Variants in TMEM196 observed in about 807,000 individuals in gnomAD.
TMEM196 encodes transmembrane protein 196.
Under a neutral mutation model 20.0 loss-of-function variants are expected in TMEM196, and 17 were observed. That is an observed-to-expected ratio of 0.85 (90% CI 0.58 to 1.27). TMEM196 has a LOEUF of 1.27. TMEM196 is among the 50% of genes most tolerant of loss of function. The probability of loss-of-function intolerance (pLI) is 0.00; values close to 1 mark genes in which losing one functional copy is unlikely to be tolerated. For missense variants in TMEM196, 267 were observed against 223.0 expected (o/e 1.20, Z -1.26); for synonymous variants, 113 against 88.9 (o/e 1.27, Z -1.52).
At chr7:19,729,235 A>T (rs981527565) in intron 2 of TMEM196, 147 bp downstream of exon 2, 1 of 587,082 alleles carries the variant, frequency 1.7e-6, no homozygotes. Context: ...TGAAAACAGA[A>T]AAGGCAGGAT....
At chr7:19,756,561 G>A (rs59285007) in intron 1 of TMEM196, among the ~76,000 whole-genome samples, 2,121 of 151,780 alleles carry the variant, frequency 0.014, 45 homozygotes, top group African/African-American at 0.048. Flanking sequence ...TGTTGTTCCC[G>A]TCTATGAGTC....
intron 1 of TMEM196, among the ~76,000 whole-genome samples, chr7:19,765,736 T>G (rs987777199): frequency 4.6e-5 from 7 of 152,170 alleles, no homozygotes; most frequent in African/African-American, 1.7e-4. Flanking sequence ...GTGTTTTATG[T>G]TTCCTCATTC....
intron 1 of TMEM196, among the ~76,000 whole-genome samples, chr7:19,744,967 T>G (rs138113822): frequency 3.6e-4 from 55 of 152,278 alleles, no homozygotes; most frequent in African/African-American, 1.1e-3. Context: ...GATTTCCTAA[T>G]TATTCCTTAT....
In TMEM196 at chr7:19,772,682, A is replaced by G. The variant is rs1170475305; in HGVS notation, c.15T>C (p.Gly5=). ...GCACCAAGAGGCTCCCAATAATCTG[A>G]CCGCTGGTGCACATCCTTCCTCGGT... MCTS[G]QIIGSLLVLS... is the part of the protein sequence containing the mutation. The change falls in exon 1 of 5, where the codon GGT becomes GGC. Residue 5 remains glycine (G), a synonymous_variant. Coordinates refer to ENST00000405844, the MANE Select transcript of TMEM196 (RefSeq NM_001363562.2). 5.3e-6 allele frequency: 8 copies of G among 1,522,504 alleles called. No homozygotes were observed. The highest frequency in any genetic ancestry group is 5.3e-6 in the Non-Finnish European group (6 of 1,131,048). The allele number at this position is 1,522,504 out of a possible 1,614,324, so 94.3% of individuals were successfully genotyped here.
At chr7:19,732,587 A>AC (rs552323770) in intron 1 of TMEM196, among the ~76,000 whole-genome samples, 16,342 of 104,534 alleles carry the variant, frequency 0.16, 1,609 homozygotes, top group East Asian at 0.67. Flanking sequence ...AAAAAAAACA[A>AC]AAAAAAAAAA....
chr7:19,756,259 A>T (rs1338349176), intron 1 of TMEM196, among the ~76,000 whole-genome samples: 3 of 151,996 alleles, frequency 2.0e-5, no homozygotes, highest in African/African-American at 7.3e-5. Flanking sequence ...TCATTTTTCC[A>T]TGTAATCAAC....
intron 1 of TMEM196, among the ~76,000 whole-genome samples, chr7:19,738,633 G>A (rs1228544058): frequency 6.6e-6 from 1 of 152,022 alleles, no homozygotes; most frequent in Non-Finnish European, 1.5e-5. Context: ...AACCCACATT[G>A]AGGTTTGTCA....
chr7:19,726,108 G>A (rs997714196), intron 2 of TMEM196, among the ~76,000 whole-genome samples: 1 of 152,040 alleles, frequency 6.6e-6, no homozygotes, highest in African/African-American at 2.4e-5. Flanking sequence ...AACATCTACC[G>A]TGTGCTACCA....
At chr7:19,755,454 A>G (rs776418455) in intron 1 of TMEM196, among the ~76,000 whole-genome samples, 1 of 152,202 alleles carries the variant, frequency 6.6e-6, no homozygotes, top group Admixed American at 6.5e-5. Context: ...CTTGCCTGGA[A>G]CACTTTTGGT....
At chr7:19,755,858 G>A (rs138126202) in intron 1 of TMEM196, among the ~76,000 whole-genome samples, 282 of 152,126 alleles carry the variant, frequency 1.9e-3, no homozygotes, top group African/African-American at 6.4e-3. Flanking sequence ...GCAAAACCCT[G>A]TCTCCACTAA....
chr7:19,732,071 T>C (rs979340200), intron 1 of TMEM196, among the ~76,000 whole-genome samples: 1 of 152,298 alleles, frequency 6.6e-6, no homozygotes, highest in Admixed American at 6.5e-5. Flanking sequence ...AGTAGTAAAT[T>C]GATATTTTAT....
At chr7:19,724,386 T>C in intron 3 of TMEM196, 33 bp from the exon 4 acceptor site, 2 of 1,538,260 alleles carry the variant, frequency 1.3e-6, no homozygotes, top group South Asian at 2.4e-5. Flanking sequence ...ACAATAAATA[T>C]TGCACAAATA....
chr7:19,725,817 C>T, intron 2 of TMEM196, 49 bp from the exon 3 acceptor site: 1 of 1,540,478 alleles, frequency 6.5e-7, no homozygotes, highest in Non-Finnish European at 8.8e-7. Flanking sequence ...GCAAACCTGA[C>T]CAGAACACAG....
chr7:19,772,487 C>T, intron 1 of TMEM196, 63 bp downstream of exon 1: 1 of 1,418,484 alleles, frequency 7.0e-7, no homozygotes, highest in South Asian at 1.5e-5. Flanking sequence ...GCACCCTGAC[C>T]ATCACCGTAA....
chr7:19,748,375 AT>A (rs1784843422), intron 1 of TMEM196, among the ~76,000 whole-genome samples: 1 of 151,578 alleles, frequency 6.6e-6, no homozygotes, highest in African/African-American at 2.4e-5. Flanking sequence ...GCATTAACTT[AT>A]TACTATGCAT....
intron 1 of TMEM196, among the ~76,000 whole-genome samples, chr7:19,736,191 G>T (rs1283710639): frequency 6.6e-6 from 1 of 151,282 alleles, no homozygotes; most frequent in Non-Finnish European, 1.5e-5. Context: ...GTTATTTCGT[G>T]GTTCAACACA....
chr7:19,729,493 G>A lies in TMEM196; in HGVS notation c.148-55C>T, dbSNP rs888010322. The A allele has an allele frequency of 1.1e-5, 16 of 1,501,572 alleles. No homozygotes were observed. In the African/African-American group the frequency reaches 1.1e-4, roughly 11 times the overall value. The allele number at this position is 1,501,572 out of a possible 1,614,324, so 93.0% of individuals were successfully genotyped here. On this transcript the variant is annotated intron_variant, in intron 1 of 4. Transcript: ENST00000405844. ...TTATCCAAAGACACGAGGACCCCTAGATTTTAGCTTGTAGTTCACTCATGA... is the reference window on the plus strand; with the variant it reads ...TTATCCAAAGACACGAGGACCCCTAAATTTTAGCTTGTAGTTCACTCATGA...
chr7:19,772,339 GAAACAAAACA>G (rs3030522), intron 1 of TMEM196, among the ~76,000 whole-genome samples: 39 of 138,542 alleles, frequency 2.8e-4, no homozygotes, highest in East Asian at 8.6e-4. Flanking sequence ...GCCCAAGTAA[GAAACAAAACA>G]AAACAAAACA....
At chr7:19,746,155 G>A (rs1784742717) in intron 1 of TMEM196, among the ~76,000 whole-genome samples, 1 of 152,072 alleles carries the variant, frequency 6.6e-6, no homozygotes, top group Non-Finnish European at 1.5e-5. Context: ...CAAGAACAAT[G>A]GAAAGGAGTT....
Sources: gnomAD v4.1 joint callset for allele counts (sites outside exome capture counted in the v4.1 genomes callset) on GRCh38, gnomAD v4.1.1 for gene constraint, MANE v1.5 for transcripts, NCBI Gene and HGNC (gene_info 2026-07-23, HGNC 2026-07-21) for gene names.